The following CUL1 variants were observed in gnomAD, a reference collection of about 807,000 sequenced individuals.
The protein encoded by CUL1 is cullin-1.
In CUL1, 24 loss-of-function variants were observed where a neutral mutation model predicts 118.0. The ratio of observed to expected loss-of-function variants is 0.20; its 90% confidence interval spans 0.15 to 0.29. The LOEUF (loss-of-function observed/expected upper bound fraction) is 0.29. Among genes scored for constraint, CUL1 ranks in the 10% least tolerant of loss-of-function variants. CUL1 has a pLI of 1.00. For missense variants in CUL1, 361 were observed against 933.8 expected, an observed-to-expected ratio of 0.39 and a Z score of 7.99; for synonymous variants, 332 against 340.4, an observed-to-expected ratio of 0.98 and a Z score of 0.27.
chr7:148,711,458 G>A (rs954047254), intron 1 of CUL1, among the ~76,000 whole-genome samples: 7 of 152,188 alleles, frequency 4.6e-5, no homozygotes, highest in Admixed American at 2.0e-4. Flanking sequence ...AAGAGGTGTC[G>A]CTTAACTGTG....
In CUL1 at chr7:148,746,192, G is replaced by C. The variant is rs1160741370; in HGVS notation, c.141-7784G>C. Among the ~76,000 whole-genome samples, 78 of 152,144 alleles carry C rather than the reference G, an allele frequency of 5.1e-4. 1 individual carries two copies. The highest frequency in any genetic ancestry group is 5.1e-3 in the Admixed American group (78 of 15,270). ...GAGCTTTCCTCCACAAAGAACACTT[G>C]GTGAGAATGAAAGGATTCTGTGGCC... On this transcript the variant is annotated intron_variant, in intron 2 of 21. Coordinates refer to ENST00000325222, the MANE Select transcript of CUL1 (RefSeq NM_003592.3).
intron 2 of CUL1, among the ~76,000 whole-genome samples, chr7:148,738,253 G>A (rs1383877105): frequency 1.3e-5 from 2 of 152,182 alleles, no homozygotes; most frequent in African/African-American, 4.8e-5. Flanking sequence ...CTCCAGGAAG[G>A]CAGTCTGTTG....
At chr7:148,769,439 AC>A (rs1800131572) in intron 9 of CUL1, among the ~76,000 whole-genome samples, 1 of 150,860 alleles carries the variant, frequency 6.6e-6, no homozygotes, top group African/African-American at 2.4e-5. Flanking sequence ...ACACACACAC[AC>A]ACACACACAA....
intron 9 of CUL1, among the ~76,000 whole-genome samples, chr7:148,780,885 T>C (rs1355843105): frequency 6.6e-6 from 1 of 152,158 alleles, no homozygotes; most frequent in Non-Finnish European, 1.5e-5. Context: ...TCCTCTCTGT[T>C]TTATAACCTG....
intron 2 of CUL1, among the ~76,000 whole-genome samples, chr7:148,734,469 CCTCGA>C (rs1439201277): frequency 6.6e-6 from 1 of 152,188 alleles, no homozygotes. Context: ...GTCTCAAACT[CCTCGA>C]CTCAAGTTAT....
chr7:148,737,729 T>A (rs1191363977), intron 2 of CUL1, among the ~76,000 whole-genome samples: 1 of 151,716 alleles, frequency 6.6e-6, no homozygotes, highest in Non-Finnish European at 1.5e-5. Context: ...GCCTCCCGAG[T>A]GGCTGGGATT....
rs1007113252 is a variant in CUL1 at position 148,733,154 on chromosome 7, A to G, written c.140+2892A>G. Among the ~76,000 whole-genome samples, 5 of 152,192 alleles carry G rather than the reference A, an allele frequency of 3.3e-5. No homozygotes were observed. In the South Asian group the frequency reaches 8.3e-4, roughly 25 times the overall value. On this transcript the variant is annotated intron_variant, in intron 2 of 21. Transcript: ENST00000325222. ...CTCTAGAATTGCCTTTAGACACTCTATGTAGTCTTCAGCTACTGTATTTGA... is the reference window on the plus strand; with the variant it reads ...CTCTAGAATTGCCTTTAGACACTCTGTGTAGTCTTCAGCTACTGTATTTGA...
chr7:148,732,435 C>G (rs906243400), intron 2 of CUL1, among the ~76,000 whole-genome samples: 2 of 151,460 alleles, frequency 1.3e-5, no homozygotes, highest in Non-Finnish European at 2.9e-5. Flanking sequence ...CTCTGTCTCC[C>G]AGGCTTAAAC....
chr7:148,795,945 C>T (rs1427085282), intron 17 of CUL1, among the ~76,000 whole-genome samples: 1 of 152,002 alleles, frequency 6.6e-6, no homozygotes, highest in African/African-American at 2.4e-5. Context: ...TTTGCTTCTT[C>T]CTTTTCTTAT....
chr7:148,796,380 G>A (rs1282412236), intron 17 of CUL1, among the ~76,000 whole-genome samples: 1 of 151,996 alleles, frequency 6.6e-6, no homozygotes, highest in African/African-American at 2.4e-5. Context: ...GTATTTTCTC[G>A]AGTTTTGCAT....
At chr7:148,731,975 C>T (rs1219299233) in intron 2 of CUL1, among the ~76,000 whole-genome samples, 1 of 152,154 alleles carries the variant, frequency 6.6e-6, no homozygotes, top group African/African-American at 2.4e-5. Flanking sequence ...CCACTGTAAA[C>T]ATTGTGTGCG....
At chr7:148,721,955 GTC>G (rs1453193517) in intron 1 of CUL1, among the ~76,000 whole-genome samples, 1 of 152,158 alleles carries the variant, frequency 6.6e-6, no homozygotes, top group East Asian at 1.9e-4. Flanking sequence ...GTTTCTGTAA[GTC>G]TAAATTGTTT....
chr7:148,780,204 G>C (rs765006596), intron 9 of CUL1, among the ~76,000 whole-genome samples: 2 of 152,178 alleles, frequency 1.3e-5, no homozygotes, highest in Non-Finnish European at 2.9e-5. Context: ...GTTTGTTGTC[G>C]TGGTTCAGAT....
At chr7:148,767,931 G>T (rs138618507) in intron 9 of CUL1, among the ~76,000 whole-genome samples, 182 bp downstream of exon 9, 1 of 152,068 alleles carries the variant, frequency 6.6e-6, no homozygotes. Flanking sequence ...AAATACCTCC[G>T]TAAGTTTTTC....
At chr7:148,717,381 A>C (rs1798247053) in intron 1 of CUL1, among the ~76,000 whole-genome samples, 1 of 152,132 alleles carries the variant, frequency 6.6e-6, no homozygotes, top group Non-Finnish European at 1.5e-5. Flanking sequence ...AGTGTCTGAC[A>C]ATTCTGGAAT....
At chr7:148,769,114 C>T (rs1800115488) in intron 9 of CUL1, among the ~76,000 whole-genome samples, 1 of 152,094 alleles carries the variant, frequency 6.6e-6, no homozygotes, top group Admixed American at 6.6e-5. Context: ...CTCAGCTCCA[C>T]CATTGACAGC....
chr7:148,699,796 C>A (rs971725198), intron 1 of CUL1, among the ~76,000 whole-genome samples: 4 of 152,080 alleles, frequency 2.6e-5, no homozygotes, highest in African/African-American at 9.7e-5. Flanking sequence ...CCGGGCCCTG[C>A]GCTGCGGCCT....
chr7:148,767,047 T>TC (rs1323447164), intron 8 of CUL1, among the ~76,000 whole-genome samples: 1 of 152,196 alleles, frequency 6.6e-6, no homozygotes, highest in Admixed American at 6.5e-5. Flanking sequence ...CCTTAACCAC[T>TC]CCCATGTTTT....
At chr7:148,750,995 A>AAAC (rs1799472150) in intron 2 of CUL1, among the ~76,000 whole-genome samples, 1 of 151,870 alleles carries the variant, frequency 6.6e-6, no homozygotes, top group Admixed American at 6.6e-5. Flanking sequence ...AAAAAAAAAA[A>AAAC]AAAACAAAAC....
Sources: gnomAD v4.1 joint callset for allele counts (sites outside exome capture counted in the v4.1 genomes callset) on GRCh38, gnomAD v4.1.1 for gene constraint, MANE v1.5 for transcripts, NCBI Gene and HGNC (gene_info 2026-07-23, HGNC 2026-07-21) for gene names.